The following SLC8A1 variants were observed in gnomAD, a reference collection of about 807,000 sequenced individuals.
SLC8A1 encodes solute carrier family 8 member A1.
Under a neutral mutation model 68.3 loss-of-function variants are expected in SLC8A1, and 18 were observed. That is an observed-to-expected ratio of 0.26 (90% CI 0.18 to 0.39). The LOEUF is 0.39. Among genes scored for constraint, SLC8A1 ranks in the 10% least tolerant of loss-of-function variants. SLC8A1 has a pLI of 1.00. For missense variants in SLC8A1, 985 were observed against 1,156.7 expected (o/e 0.85, Z 2.15); for synonymous variants, 475 against 415.5 (o/e 1.14, Z -1.74).
At chr2:40,338,056 T>G (rs970642845) in intron 2 of SLC8A1, among the ~76,000 whole-genome samples, 1 of 152,010 alleles carries the variant, frequency 6.6e-6, no homozygotes, top group Non-Finnish European at 1.5e-5. Context: ...GGTCTGAAAG[T>G]GCTCTGTCTT....
chr2:40,304,928 A>G (rs747266818), intron 2 of SLC8A1, among the ~76,000 whole-genome samples: 3 of 152,028 alleles, frequency 2.0e-5, no homozygotes, highest in African/African-American at 4.8e-5. Context: ...TACCCACCCC[A>G]TCCATTTGAC....
chr2:40,443,646 T>C (rs924994623), intron 1 of SLC8A1, among the ~76,000 whole-genome samples: 7 of 152,186 alleles, frequency 4.6e-5, no homozygotes, highest in Non-Finnish European at 8.8e-5. Flanking sequence ...ACCACACTTA[T>C]AGGGTCAATG....
chr2:40,322,134 G>A (rs78314648), intron 2 of SLC8A1, among the ~76,000 whole-genome samples: 1,928 of 152,200 alleles, frequency 0.013, 39 homozygotes, highest in African/African-American at 0.044. Flanking sequence ...ATGAGCTTAA[G>A]AAAAGATTAT....
chr2:40,106,033 T>A (rs2034176840), exon 8 of SLC8A1: 1 of 152,256 alleles, frequency 6.6e-6, no homozygotes, highest in Admixed American at 6.5e-5. Flanking sequence ...TTAACACATC[T>A]TCTGGATAGC....
At chr2:40,163,431 G>C (rs1321695564) in intron 5 of SLC8A1, among the ~76,000 whole-genome samples, 1 of 152,200 alleles carries the variant, frequency 6.6e-6, no homozygotes, top group East Asian at 1.9e-4. Flanking sequence ...CTCTGCTACA[G>C]AAAATGGCAC....
At chr2:40,407,674 C>T (rs1372644883) in intron 2 of SLC8A1, among the ~76,000 whole-genome samples, 3 of 152,184 alleles carry the variant, frequency 2.0e-5, no homozygotes, top group African/African-American at 4.8e-5. Flanking sequence ...CATAAACTGT[C>T]AATTTCTTTC....
chr2:40,478,421 C>G (rs773161488), intron 1 of SLC8A1, among the ~76,000 whole-genome samples: 4 of 152,092 alleles, frequency 2.6e-5, no homozygotes, highest in Non-Finnish European at 5.9e-5. Flanking sequence ...TCTAAAGGTC[C>G]TAACAAATTG....
intron 7 of SLC8A1, among the ~76,000 whole-genome samples, chr2:40,133,224 C>T (rs1233005555): frequency 2.0e-5 from 3 of 152,124 alleles, no homozygotes; most frequent in Non-Finnish European, 2.9e-5. Context: ...GGTGCACAGT[C>T]GTTAACACCA....
At chr2:40,343,612 A>C (rs1325066112) in intron 2 of SLC8A1, among the ~76,000 whole-genome samples, 3 of 152,222 alleles carry the variant, frequency 2.0e-5, no homozygotes, top group African/African-American at 7.2e-5. Context: ...TGTGCCATAC[A>C]AAATTGTTCC....
At chr2:40,406,842 G>C (rs1690511743) in intron 2 of SLC8A1, among the ~76,000 whole-genome samples, 1 of 152,152 alleles carries the variant, frequency 6.6e-6, no homozygotes, top group Non-Finnish European at 1.5e-5. Context: ...TTGCCACTTT[G>C]GATTGAAACC....
Position 40,370,599 on chromosome 2 carries a change from A to G in SLC8A1, c.1808+57874T>C, listed in dbSNP as rs116685848. ...ATCAGAATGACTTGAGCTTTCTGCCAAAACTACATTTAACTTGAATAATGA... is the reference window on the plus strand; with the variant it reads ...ATCAGAATGACTTGAGCTTTCTGCCGAAACTACATTTAACTTGAATAATGA... On this transcript the variant is annotated intron_variant, in intron 2 of 7. Coordinates refer to ENST00000406785, the Ensembl canonical transcript of SLC8A1. Among the ~76,000 whole-genome samples the G allele has an allele frequency of 9.5e-3, 1,444 of 152,210 alleles. 21 individuals are homozygous for G. The highest frequency in any genetic ancestry group is 0.032 in the African/African-American group (1,336 of 41,546).
At chr2:40,175,502 G>T (rs966133487) in intron 3 of SLC8A1, among the ~76,000 whole-genome samples, 1 of 113,420 alleles carries the variant, frequency 8.8e-6, no homozygotes, top group East Asian at 2.0e-4. Flanking sequence ...GAATACATAC[G>T]TATATGTGTG....
Position 40,160,839 on chromosome 2 carries a change from T to C in SLC8A1, c.2087A>G (p.Lys696Arg), listed in dbSNP as rs773195120. 5.0e-6 allele frequency: 8 copies of C among 1,613,060 alleles called. 1 individual carries two copies. In the South Asian group the frequency reaches 8.8e-5, roughly 18 times the overall value. ...CCCAACCACAAGGGCCAGGTTTGTC[T>C]TCTTAATGAGTTTGTCCACAGTACT... Residue 696 changes from lysine (K) to arginine (R), a missense_variant, in exon 6 of 8, where the codon AAG (lysine) becomes AGG (arginine). Physicochemically the swap from Lys to Arg is conservative, Grantham distance 26 (BLOSUM62 2). This residue lies in a region of SLC8A1 where 584 missense variants were observed against 565.9 expected (regional missense o/e 1.03). Transcript: ENST00000406785.
In SLC8A1 at chr2:40,130,696, G is replaced by A. The variant is rs372634791; in HGVS notation, c.2437+8705C>T. Among the ~76,000 whole-genome samples the A allele has an allele frequency of 1.7e-3, 265 of 152,298 alleles. 1 individual carries two copies. The highest frequency in any genetic ancestry group is 3.0e-3 in the Non-Finnish European group (203 of 68,022). ...ACACCATAGCCACTGGGAAATACTG[G>A]CTTAGGGTAAAGTCACTCTGTTTTC... is the stretch of plus-strand genomic sequence containing the variant. On this transcript the variant is annotated intron_variant, in intron 7 of 7. Coordinates refer to ENST00000406785, the Ensembl canonical transcript of SLC8A1.
exon 8 of SLC8A1, chr2:40,101,305 G>C (rs1037249120): frequency 6.6e-6 from 1 of 152,086 alleles, no homozygotes; most frequent in Non-Finnish European, 1.5e-5. Flanking sequence ...CTCATAGCCA[G>C]CAATCCTTTT....
chr2:40,196,658 C>T (rs1168037575), intron 2 of SLC8A1, among the ~76,000 whole-genome samples: 1 of 152,024 alleles, frequency 6.6e-6, no homozygotes, highest in Non-Finnish European at 1.5e-5. Context: ...TAGACCTGCA[C>T]CTACTCCCAG....
chr2:40,144,671 A>G (rs2042133889), intron 6 of SLC8A1, among the ~76,000 whole-genome samples: 1 of 152,036 alleles, frequency 6.6e-6, no homozygotes, highest in Non-Finnish European at 1.5e-5. Context: ...TCTTTGGCAG[A>G]GCCAGCCATA....
At chr2:40,394,851 A>T (rs1266269753) in intron 2 of SLC8A1, among the ~76,000 whole-genome samples, 1 of 152,144 alleles carries the variant, frequency 6.6e-6, no homozygotes, top group African/African-American at 2.4e-5. Flanking sequence ...TCATTTGTGC[A>T]AAGACTCCCA....
Position 40,229,903 on chromosome 2 carries a change from C to G in SLC8A1, c.1809-52048G>C, listed in dbSNP as rs539739779. ...TAGTTACTGATGATTATAGCAATAG[C>G]AAAAGATAAATAAGTTCATATCTTT... On this transcript the variant is annotated intron_variant, in intron 2 of 7. Coordinates refer to ENST00000406785, the Ensembl canonical transcript of SLC8A1. Among the ~76,000 whole-genome samples the G allele has an allele frequency of 9.0e-4, 137 of 152,264 alleles. 1 individual carries two copies. Among genetic ancestry groups the G allele is most frequent in the African/African-American group, 3.1e-3 (128 of 41,572 alleles).
Sources: gnomAD v4.1 joint callset for allele counts (sites outside exome capture counted in the v4.1 genomes callset) on GRCh38, gnomAD v4.1.1 for gene constraint, gnomAD v4.1.1 regional missense constraint, MANE v1.5 for transcripts, NCBI Gene and HGNC (gene_info 2026-07-23, HGNC 2026-07-21) for gene names.